MAPK7: variants seen among roughly 807,000 people sequenced by gnomAD.
MAPK7 encodes the protein mitogen-activated protein kinase 7.
Under a neutral mutation model 56.9 loss-of-function variants are expected in MAPK7, and 30 were observed. The observed-to-expected ratio is 0.53, with a 90% CI of 0.39 to 0.72. MAPK7 has a LOEUF of 0.72. Ranked by LOEUF, MAPK7 falls within the 30% of genes least tolerant of loss-of-function variation. The pLI is 0.00. For synonymous variants in MAPK7, 516 were observed against 449.3 expected, an observed-to-expected ratio of 1.15 and a Z score of -1.88; for missense variants, 952 against 1,110.8, an observed-to-expected ratio of 0.86 and a Z score of 2.03.
rs1461250957 is a variant in MAPK7 at position 19,381,821 on chromosome 17, G to T, written c.1518G>T (p.Lys506Asn). 3 of 1,571,030 alleles carry T rather than the reference G, an allele frequency of 1.9e-6. No individual in the cohort carries two copies. The highest frequency in any genetic ancestry group is 2.6e-6 in the Non-Finnish European group (3 of 1,160,278). Residue 506 changes from lysine (K) to asparagine (N), a missense_variant, in exon 5 of 7, where the codon AAG becomes AAT. Physicochemically the swap from Lys to Asn is moderately conservative, Grantham distance 94 (BLOSUM62 0). Around this residue, in one of 5 missense-constraint regions of MAPK7, gnomAD observed 429 missense variants for 533.0 expected, o/e 0.80. Transcript: ENST00000395604. The surrounding 1 kb of genome is among the most constrained non-coding windows in gnomAD (Gnocchi z 4.6). ...CCCTGGAGGCTCCTGAGCCTCGGAAGCCGGTGACAGCCCAGGAGCGCCAGC... is the reference window on the plus strand; with the variant it reads ...CCCTGGAGGCTCCTGAGCCTCGGAATCCGGTGACAGCCCAGGAGCGCCAGC... The part of the protein sequence containing the change: ...SAPLEAPEPR[K>N]PVTAQERQRE...
Position 19,382,282 on chromosome 17 carries a change from C to T in MAPK7, c.1979C>T (p.Ser660Phe). Reference sequence around the variant, plus strand: ...CCCGCGCCACCCCAGATTGCCACCTCCACCAGCCTCCTGGCTGCCCAGTCA... The same window carrying T: ...CCCGCGCCACCCCAGATTGCCACCTTCACCAGCCTCCTGGCTGCCCAGTCA... ...PVPAPPQIAT[S>F]TSLLAAQSLV... The change falls in exon 5 of 7, where the codon TCC becomes TTC. Residue 660 changes from serine to phenylalanine, a missense_variant. Ser to Phe is a radical substitution (Grantham distance 155). Coordinates refer to ENST00000395604, the MANE Select transcript of MAPK7 (RefSeq NM_002749.4). 3 of 1,612,918 alleles carry T rather than the reference C, an allele frequency of 1.9e-6. No homozygotes were observed. Among genetic ancestry groups the T allele is most frequent in the Non-Finnish European group, 2.5e-6 (3 of 1,179,970 alleles).
rs1465738644 is a variant in MAPK7, at chr17:19,380,923, G to A, written c.714G>A (p.Glu238=). 1 of 1,614,244 alleles carries A rather than the reference G, an allele frequency of 6.2e-7. No homozygotes were observed. Among genetic ancestry groups the A allele is most frequent in the East Asian group, 2.2e-5 (1 of 44,884 alleles). ...RAPELMLSLH[E]YTQAIDLWSV... ...CCGAGCTCATGCTCTCTTTGCATGAGTATACACAGGCTATTGACCTCTGGT... is the reference window on the plus strand; with the variant it reads ...CCGAGCTCATGCTCTCTTTGCATGAATATACACAGGCTATTGACCTCTGGT... The change falls in exon 4 of 7, where the codon GAG becomes GAA. Residue 238 remains glutamate (E), a synonymous_variant. Transcript: ENST00000395604.
rs1377453358 is a variant in MAPK7 at position 19,380,745 on chromosome 17, T to A, written c.536T>A (p.Ile179Asn). 1 of 1,614,168 alleles carries A rather than the reference T, an allele frequency of 6.2e-7. No individual in the cohort carries two copies. Among genetic ancestry groups the A allele is most frequent in the South Asian group, 1.1e-5 (1 of 91,080 alleles). The change falls in exon 4 of 7, where the codon ATC becomes AAC. Residue 179 changes from isoleucine to asparagine, a missense_variant. Transcript: ENST00000395604. ...AAGTACATGCACTCGGCTCAGGTCA[T>A]CCACCGTGACCTGAAGCCCTCCAAC... ...GLKYMHSAQV[I>N]HRDLKPSNLL... is the part of the protein sequence containing the mutation.
chr17:19,380,389 A>C, intron 3 of MAPK7: 1 of 1,295,916 alleles, frequency 7.7e-7, no homozygotes, highest in Admixed American at 3.4e-5. Context: ...CTGATGGGGA[A>C]ACTAGGTCTG....
chr17:19,382,881 C>T lies in MAPK7; in HGVS notation c.2232C>T (p.Gly744=). 1.2e-6 allele frequency: 2 copies of T among 1,614,236 alleles called. No homozygotes were observed. The highest frequency in any genetic ancestry group is 1.7e-6 in the Non-Finnish European group (2 of 1,180,034). Reference sequence around the variant, plus strand: ...GCAGTGGGGCTGGCTACGGTGTTGGCTTTGACCTGGAGGAATTCTTAAACC... The same window carrying T: ...GCAGTGGGGCTGGCTACGGTGTTGGTTTTGACCTGGAGGAATTCTTAAACC... ...PKGSGAGYGV[G]FDLEEFLNQS... Residue 744 remains glycine, a synonymous_variant, in exon 6 of 7, where the codon GGC becomes GGT. Coordinates refer to ENST00000395604, the MANE Select transcript of MAPK7 (RefSeq NM_002749.4).
At position 19,381,768 on chromosome 17, in the gene MAPK7, A is replaced by G; in HGVS notation, c.1478-13A>G. ...CAGGCTTTTACCTTCTCCCCTGCCCAACTTCCCCGCAGATGGCCCCAGCGC... is the reference window on the plus strand; with the variant it reads ...CAGGCTTTTACCTTCTCCCCTGCCCGACTTCCCCGCAGATGGCCCCAGCGC... On this transcript the variant is annotated splice_polypyrimidine_tract_variant and intron_variant, in intron 4 of 6. Transcript: ENST00000395604. The surrounding 1 kb of genome is among the most constrained non-coding windows in gnomAD (Gnocchi z 4.6). 1 of 1,537,670 alleles carries G rather than the reference A, an allele frequency of 6.5e-7. No homozygotes were observed. Among genetic ancestry groups the G allele is most frequent in the African/African-American group, 1.4e-5 (1 of 72,390 alleles).
upstream of MAPK7, chr17:19,378,020 A>G (rs1912242256): frequency 1.0e-6 from 1 of 985,326 alleles, no homozygotes; most frequent in African/African-American, 1.7e-5. The surrounding 1 kb of genome is among the most constrained non-coding windows in gnomAD (Gnocchi z 5.4). Flanking sequence ...CGGGGATGAC[A>G]CATTCCCAGA....
intron 3 of MAPK7, 116 bp from the exon 4 acceptor site, chr17:19,380,492 G>A (rs1312313083): frequency 1.4e-6 from 2 of 1,475,588 alleles, no homozygotes; most frequent in African/African-American, 2.8e-5. Context: ...AGCCCCTATG[G>A]GGTCCCAGGG....
chr17:19,379,913 AGGC>A lies in MAPK7; in HGVS notation c.365_367del (p.Arg122_Pro123delinsThr). The A allele has an allele frequency of 6.2e-7, 1 of 1,614,214 alleles. No individual in the cohort carries two copies. The highest frequency in any genetic ancestry group is 8.5e-7 in the Non-Finnish European group (1 of 1,180,032). Reference sequence around the variant, plus strand: ...CATCATCGCCATCAAGGACATCCTGAGGCCCACCGTGCCCTATGGCGAATTCAA... The same window carrying A: ...CATCATCGCCATCAAGGACATCCTGACCACCGTGCCCTATGGCGAATTCAA... On this transcript the variant is annotated inframe_deletion, in exon 3 of 7. Coordinates refer to ENST00000395604, the MANE Select transcript of MAPK7 (RefSeq NM_002749.4).
intron 2 of MAPK7, 43 bp from the exon 3 acceptor site, chr17:19,379,739 C>G (rs374346321): frequency 6.3e-7 from 1 of 1,594,236 alleles, no homozygotes; most frequent in African/African-American, 1.3e-5. Flanking sequence ...TCTGCAGTTT[C>G]TCCAAGGTAT....
At chr17:19,380,126 G>A in intron 3 of MAPK7, 179 bp downstream of exon 3, 1 of 663,094 alleles carries the variant, frequency 1.5e-6, no homozygotes, top group South Asian at 2.0e-5. Context: ...CTCAAGAAGT[G>A]TACAGATGAT....
In MAPK7 at chr17:19,381,772, TC is replaced by T; in HGVS notation, c.1478-5del. ...CTTTTACCTTCTCCCCTGCCCAACT[TC>T]CCCGCAGATGGCCCCAGCGCACCCC... On this transcript the variant is annotated splice_polypyrimidine_tract_variant and splice_region_variant and intron_variant, in intron 4 of 6. Transcript: ENST00000395604. This position sits in a 1 kb window ranked among gnomAD's most constrained non-coding sequence, Gnocchi z 4.6. The T allele has an allele frequency of 6.5e-7, 1 of 1,537,810 alleles. No individual in the cohort carries two copies. Among genetic ancestry groups the T allele is most frequent in the Non-Finnish European group, 8.7e-7 (1 of 1,145,454 alleles).
At position 19,382,122 on chromosome 17, in the gene MAPK7, C is replaced by T; in HGVS notation, c.1819C>T (p.Pro607Ser). Reference protein sequence around the residue: ...PTPVQPTSPPPGPVAQPTGPQ... With the variant: ...PTPVQPTSPPSGPVAQPTGPQ... ...CCCAGTCCAACCTACCAGTCCTCCT[C>T]CTGGCCCTGTAGCCCAGCCCACTGG... Residue 607 changes from proline (P) to serine (S), a missense_variant, in exon 5 of 7, where the codon CCT (proline) becomes TCT (serine). Physicochemically the swap from Pro to Ser is moderately conservative, Grantham distance 74. Coordinates refer to ENST00000395604, the MANE Select transcript of MAPK7 (RefSeq NM_002749.4). The T allele has an allele frequency of 1.9e-6, 3 of 1,612,562 alleles. No homozygotes were observed. The highest frequency in any genetic ancestry group is 8.5e-7 in the Non-Finnish European group (1 of 1,179,784).
intron 2 of MAPK7, 164 bp from the exon 3 acceptor site, chr17:19,379,618 A>C (rs186361115): frequency 1.6e-6 from 1 of 632,014 alleles, no homozygotes; most frequent in African/African-American, 1.8e-5. Flanking sequence ...AACATTTAAT[A>C]ATGTAGGTAA....
In MAPK7 at chr17:19,381,827, G is replaced by A; in HGVS notation, c.1524G>A (p.Val508=). 6.3e-7 allele frequency: 1 copy of A among 1,575,308 alleles called. No homozygotes were observed. Among genetic ancestry groups the A allele is most frequent in the Non-Finnish European group, 8.6e-7 (1 of 1,162,030 alleles). The stretch of plus-strand genomic sequence containing the variant: ...AGGCTCCTGAGCCTCGGAAGCCGGT[G>A]ACAGCCCAGGAGCGCCAGCGGGAGC... ...PLEAPEPRKP[V]TAQERQRERE... The change falls in exon 5 of 7, where the codon GTG becomes GTA. Residue 508 remains valine (V), a synonymous_variant. Coordinates refer to ENST00000395604, the MANE Select transcript of MAPK7 (RefSeq NM_002749.4). This position sits in a 1 kb window ranked among gnomAD's most constrained non-coding sequence, Gnocchi z 4.6.
chr17:19,380,366 C>A (rs1912546485), intron 3 of MAPK7: 1 of 1,110,618 alleles, frequency 9.0e-7, no homozygotes, highest in Non-Finnish European at 1.2e-6. Context: ...TGTAGTCCAA[C>A]CCCATCTTTT....
At position 19,379,956 on chromosome 17, in the gene MAPK7, C is replaced by T. The variant is rs775863086; in HGVS notation, c.398+9C>T. 7 of 1,610,180 alleles carry T rather than the reference C, an allele frequency of 4.3e-6. No homozygotes were observed. The highest frequency in any genetic ancestry group is 2.7e-5 in the African/African-American group (2 of 74,842). ...GGCGAATTCAAATCTGTGTAAGAAGCGGGATGGGAGAGGGAGCCAGACTTG... is the reference window on the plus strand; with the variant it reads ...GGCGAATTCAAATCTGTGTAAGAAGTGGGATGGGAGAGGGAGCCAGACTTG... On this transcript the variant is annotated intron_variant, in intron 3 of 6. Transcript: ENST00000395604.
Position 19,378,731 on chromosome 17 carries a change from T to C in MAPK7, c.-6+101T>C. On this transcript the variant is annotated intron_variant, in intron 1 of 6. Transcript: ENST00000395604. The surrounding 1 kb of genome is among the most constrained non-coding windows in gnomAD (Gnocchi z 5.4). ...CCCGACCCTGGCGGGCCCCCGGCTC[T>C]GGGCCCGGACCCCTGGGGTAGCTAG... The C allele has an allele frequency of 7.5e-7, 1 of 1,339,198 alleles. No homozygotes were observed. The highest frequency in any genetic ancestry group is 9.8e-7 in the Non-Finnish European group (1 of 1,022,112). 83.0% of individuals were successfully genotyped at this position (1,339,198 alleles called of 1,614,324 possible).
At position 19,381,935 on chromosome 17, in the gene MAPK7, G is replaced by C. The variant is rs563151919; in HGVS notation, c.1632G>C (p.Gly544=). ...RRQERERKER[G]AGASGGPSTD... ...AGGAGCGGGAGCGAAAGGAACGGGG[G>C]GCTGGGGCCTCTGGGGGCCCCTCCA... is the stretch of plus-strand genomic sequence containing the variant. The change falls in exon 5 of 7, where the codon GGG becomes GGC. Residue 544 remains glycine, a synonymous_variant. Coordinates refer to ENST00000395604, the MANE Select transcript of MAPK7 (RefSeq NM_002749.4). This position sits in a 1 kb window ranked among gnomAD's most constrained non-coding sequence, Gnocchi z 4.6. 1.6e-4 allele frequency: 243 copies of C among 1,552,182 alleles called. No individual in the cohort carries two copies. In the East Asian group the frequency reaches 4.7e-3, roughly 30 times the overall value.
Sources: allele counts gnomAD v4.1 joint callset, GRCh38; gene constraint gnomAD v4.1.1; regional missense constraint gnomAD v4.1.1; non-coding constraint Gnocchi (gnomAD v3.1); transcripts MANE v1.5; gene names NCBI Gene and HGNC (gene_info 2026-07-23, HGNC 2026-07-21).